Variants in LYPLAL1 observed in about 807,000 individuals in gnomAD.
LYPLAL1 encodes the protein lysophospholipase-like protein 1.
Under a neutral mutation model 19.7 loss-of-function variants are expected in LYPLAL1, and 23 were observed. The ratio of observed to expected loss-of-function variants is 1.17; its 90% CI spans 0.84 to 1.65. The LOEUF is 1.65. Ranked by LOEUF, LYPLAL1 falls within the 40% of genes most tolerant of loss-of-function variation. The probability of loss-of-function intolerance (pLI) is 0.00; values close to 1 mark genes in which losing one functional copy is unlikely to be tolerated. For missense variants in LYPLAL1, 355 were observed against 279.4 expected, an observed-to-expected ratio of 1.27 and a Z score of -1.93; for synonymous variants, 119 against 96.3, an observed-to-expected ratio of 1.24 and a Z score of -1.38.
chr1:219,305,771 G>T, the LYPLAL1 span, among the ~76,000 whole-genome samples: 1 of 152,168 alleles, frequency 6.6e-6, no homozygotes, highest in Admixed American at 6.5e-5. Context: ...TGATTCCTCT[G>T]CTGAGAGAAA....
chr1:219,218,513 T>TC, the LYPLAL1 span, among the ~76,000 whole-genome samples: 1 of 151,794 alleles, frequency 6.6e-6, no homozygotes, highest in Non-Finnish European at 1.5e-5. Flanking sequence ...CCTTTTTTTT[T>TC]TTAGGTCATT....
the LYPLAL1 span, among the ~76,000 whole-genome samples, chr1:219,264,507 A>G: frequency 6.6e-6 from 1 of 152,204 alleles, no homozygotes; most frequent in Non-Finnish European, 1.5e-5. Flanking sequence ...AGTAGACTTC[A>G]TCCTCTCATG....
chr1:219,347,730 C>G, the LYPLAL1 span, among the ~76,000 whole-genome samples: 1 of 152,162 alleles, frequency 6.6e-6, no homozygotes, highest in African/African-American at 2.4e-5. Context: ...GTCCTGCCAT[C>G]CCTGTCAAGA....
At chr1:219,399,591 G>A in the LYPLAL1 span, among the ~76,000 whole-genome samples, 1 of 152,122 alleles carries the variant, frequency 6.6e-6, no homozygotes, top group African/African-American at 2.4e-5. Flanking sequence ...GGGAGCAGGG[G>A]GGTTGGTGCA....
At chr1:219,264,029 G>A in the LYPLAL1 span, among the ~76,000 whole-genome samples, 2 of 152,136 alleles carry the variant, frequency 1.3e-5, no homozygotes, top group South Asian at 2.1e-4. Flanking sequence ...ACTGGGAGCT[G>A]CCCATTAGTC....
the LYPLAL1 span, among the ~76,000 whole-genome samples, chr1:219,246,375 C>T: frequency 3.9e-5 from 6 of 152,088 alleles, no homozygotes; most frequent in African/African-American, 1.4e-4. Flanking sequence ...GTTATCCAAT[C>T]GGCTTTATTA....
At chr1:219,296,413 A>G in the LYPLAL1 span, among the ~76,000 whole-genome samples, 9 of 152,258 alleles carry the variant, frequency 5.9e-5, no homozygotes, top group African/African-American at 1.7e-4. Flanking sequence ...TGACTGAGAC[A>G]AAGGGTAAGG....
At chr1:219,231,006 A>G in the LYPLAL1 span, among the ~76,000 whole-genome samples, 1 of 152,230 alleles carries the variant, frequency 6.6e-6, no homozygotes, top group Admixed American at 6.5e-5. Context: ...ACTTGTCAAA[A>G]TGTAATTATA....
chr1:219,344,143 A>G, the LYPLAL1 span, among the ~76,000 whole-genome samples: 1 of 152,156 alleles, frequency 6.6e-6, no homozygotes. Flanking sequence ...GGAACTTCCA[A>G]CAGAACATGC....
At chr1:219,371,253 TTG>T in the LYPLAL1 span, among the ~76,000 whole-genome samples, 1 of 152,188 alleles carries the variant, frequency 6.6e-6, no homozygotes, top group Non-Finnish European at 1.5e-5. Flanking sequence ...TAGATCCCAG[TTG>T]TTTGCTCCTA....
At chr1:219,246,023 T>A in the LYPLAL1 span, among the ~76,000 whole-genome samples, 1 of 152,306 alleles carries the variant, frequency 6.6e-6, no homozygotes, top group African/African-American at 2.4e-5. Context: ...TTAGGTTTAA[T>A]GGTTAACAAA....
chr1:219,344,818 G>A, the LYPLAL1 span, among the ~76,000 whole-genome samples: 1 of 152,100 alleles, frequency 6.6e-6, no homozygotes, highest in South Asian at 2.1e-4. Flanking sequence ...CTTGCTTTGA[G>A]ATGTTTCTGA....
chr1:219,370,731 A>T, the LYPLAL1 span, among the ~76,000 whole-genome samples: 1 of 152,194 alleles, frequency 6.6e-6, no homozygotes, highest in South Asian at 2.1e-4. Flanking sequence ...AAGGAATGCC[A>T]TAGCTATATG....
chr1:219,356,290 A>T, the LYPLAL1 span, among the ~76,000 whole-genome samples: 1 of 152,122 alleles, frequency 6.6e-6, no homozygotes, highest in Admixed American at 6.6e-5. Context: ...TCATGAGGTC[A>T]AGATATCAAA....
chr1:219,271,366 T>G, the LYPLAL1 span: 1 of 150,536 alleles, frequency 6.6e-6, no homozygotes, highest in South Asian at 2.1e-4. Context: ...GCTCACTGAT[T>G]CATGCTGGTT....
the LYPLAL1 span, among the ~76,000 whole-genome samples, chr1:219,224,324 G>A: frequency 6.6e-6 from 1 of 152,078 alleles, no homozygotes; most frequent in Non-Finnish European, 1.5e-5. Context: ...ATTTTTAAGT[G>A]GCAAGAGAAA....
At chr1:219,188,744 G>A (rs899070257) in intron 2 of LYPLAL1, among the ~76,000 whole-genome samples, 4 of 150,910 alleles carry the variant, frequency 2.7e-5, no homozygotes, top group African/African-American at 9.7e-5. Context: ...TGTGTAATGG[G>A]TTGGTTGATT....
intron 1 of LYPLAL1, among the ~76,000 whole-genome samples, chr1:219,178,179 A>G (rs1051399943): frequency 1.3e-5 from 2 of 152,232 alleles, no homozygotes; most frequent in African/African-American, 4.8e-5. Flanking sequence ...AGGCTAGTGC[A>G]TTTATTGTTG....
the LYPLAL1 span, among the ~76,000 whole-genome samples, chr1:219,333,135 G>T: frequency 6.6e-6 from 1 of 152,038 alleles, no homozygotes; most frequent in Non-Finnish European, 1.5e-5. Context: ...GGGTACGTGT[G>T]ATTAGACTGG....
Sources: gnomAD v4.1 joint callset for allele counts (sites outside exome capture counted in the v4.1 genomes callset) on GRCh38, gnomAD v4.1.1 for gene constraint, MANE v1.5 for transcripts, NCBI Gene and HGNC (gene_info 2026-07-23, HGNC 2026-07-21) for gene names.